Variants in ATP2B2 observed in about 807,000 individuals in gnomAD.
ATP2B2 encodes the protein ATPase plasma membrane Ca2+ transporting 2, also known as plasma membrane calcium-transporting ATPase 2.
In ATP2B2, 15 loss-of-function variants were observed where a neutral mutation model predicts 120.0. That is an observed-to-expected ratio of 0.12 (90% CI 0.08 to 0.19). ATP2B2 has a LOEUF of 0.19. Ranked by LOEUF, ATP2B2 falls within the 10% of genes least tolerant of loss-of-function variation. The pLI is 1.00. For missense variants in ATP2B2, 1,045 were observed against 1,719.8 expected (o/e 0.61, Z 6.94); for synonymous variants, 694 against 700.3 (o/e 0.99, Z 0.14).
chr3:10,627,209 G>A (rs1274437245), intron 1 of ATP2B2, among the ~76,000 whole-genome samples: 4 of 152,232 alleles, frequency 2.6e-5, no homozygotes, highest in Non-Finnish European at 5.9e-5. Flanking sequence ...GCTTCTCTAA[G>A]AGGCGGGTGC....
At chr3:10,471,749 C>T (rs1193302942) in intron 1 of ATP2B2, among the ~76,000 whole-genome samples, 1 of 151,982 alleles carries the variant, frequency 6.6e-6, no homozygotes, top group Admixed American at 6.5e-5. Flanking sequence ...TCATATTGTC[C>T]CCCATAAATG....
chr3:10,587,280 G>C (rs1482215540), intron 2 of ATP2B2, among the ~76,000 whole-genome samples: 1 of 151,672 alleles, frequency 6.6e-6, no homozygotes. Context: ...ACTCCAGCCT[G>C]GGTGACAAAA....
chr3:10,341,062 C>T lies in ATP2B2; in HGVS notation c.2918-358G>A, dbSNP rs150128224. On this transcript the variant is annotated intron_variant, in intron 19 of 22. Coordinates refer to ENST00000360273, the MANE Select transcript of ATP2B2 (RefSeq NM_001001331.4). Reference sequence around the variant, plus strand: ...CTGGACTGCGAGGACAGGATACCTGCGGGAGGTTTTGCGCTGCCCCGAGAG... The same window carrying T: ...CTGGACTGCGAGGACAGGATACCTGTGGGAGGTTTTGCGCTGCCCCGAGAG... 3.2e-3 allele frequency among the ~76,000 whole-genome samples: 480 copies of T among 152,240 alleles called. 9 individuals are homozygous for T. The South Asian group carries it at 0.039, about 12-fold the overall frequency.
intron 1 of ATP2B2, among the ~76,000 whole-genome samples, chr3:10,492,437 C>T (rs1219343743): frequency 1.3e-5 from 2 of 152,140 alleles, no homozygotes; most frequent in East Asian, 1.9e-4. Context: ...TTCCAAAGAA[C>T]GGGACAGCTG....
In ATP2B2 at chr3:10,431,713, T is replaced by C. The variant is rs562251680; in HGVS notation, c.199+17632A>G. Among the ~76,000 whole-genome samples, 13 of 151,724 alleles carry C rather than the reference T, an allele frequency of 8.6e-5. 1 individual carries two copies. In the South Asian group the frequency reaches 1.0e-3, roughly 12 times the overall value. On this transcript the variant is annotated intron_variant, in intron 2 of 22. Transcript: ENST00000360273. Reference sequence around the variant, plus strand: ...GCCTAGAACTGTGTCTAGCACATAGTAGGTGCTCAAGAAACATCTACTGAA... The same window carrying C: ...GCCTAGAACTGTGTCTAGCACATAGCAGGTGCTCAAGAAACATCTACTGAA...
At chr3:10,682,263 G>A (rs2071401704) in intron 1 of ATP2B2, among the ~76,000 whole-genome samples, 1 of 152,096 alleles carries the variant, frequency 6.6e-6, no homozygotes, top group Admixed American at 6.5e-5. Flanking sequence ...AGCAAGTTTG[G>A]GCCACTGACT....
At chr3:10,617,151 T>G (rs2125618019) in intron 2 of ATP2B2, among the ~76,000 whole-genome samples, 1 of 152,384 alleles carries the variant, frequency 6.6e-6, no homozygotes, top group African/African-American at 2.4e-5. Context: ...TACACATCGT[T>G]GTAGATCAAT....
chr3:10,682,462 G>C (rs1336693473), intron 1 of ATP2B2, among the ~76,000 whole-genome samples: 1 of 152,204 alleles, frequency 6.6e-6, no homozygotes, highest in Admixed American at 6.5e-5. Context: ...CAGTTTCTTT[G>C]CTGTAAAAGA....
Position 10,504,560 on chromosome 3 carries a change from G to C in ATP2B2, c.-320+905C>G, listed in dbSNP as rs1447296033. Among the ~76,000 whole-genome samples, 5 of 130,234 alleles carry C rather than the reference G, an allele frequency of 3.8e-5. No homozygotes were observed. The Admixed American group carries it at 4.1e-4, about 11-fold the overall frequency. The allele number at this position is 130,234 out of a possible 152,430, so 85.4% of individuals were successfully genotyped here. A position where few individuals can be genotyped will look rare whatever the true frequency, so the allele number is the denominator to read the frequency against. On this transcript the variant is annotated intron_variant, in intron 1 of 22. Coordinates refer to ENST00000360273, the MANE Select transcript of ATP2B2 (RefSeq NM_001001331.4). Reference sequence around the variant, plus strand: ...CCTGATTGGGGCAGGCCAGTCCAGAGCACCCCCCCAACCCCCAACCCCCAA... The same window carrying C: ...CCTGATTGGGGCAGGCCAGTCCAGACCACCCCCCCAACCCCCAACCCCCAA...
At chr3:10,400,836 G>A in intron 5 of ATP2B2, 117 bp downstream of exon 5, 1 of 1,499,416 alleles carries the variant, frequency 6.7e-7, no homozygotes, top group South Asian at 1.2e-5. Context: ...TGAGCTGGCT[G>A]GAGATACCAG....
At chr3:10,457,238 C>A (rs887107720) in intron 1 of ATP2B2, among the ~76,000 whole-genome samples, 1 of 151,258 alleles carries the variant, frequency 6.6e-6, no homozygotes, top group African/African-American at 2.4e-5. Context: ...GGTGTATGGG[C>A]GTACAAGGCA....
At chr3:10,473,864 T>G (rs76626204) in intron 1 of ATP2B2, among the ~76,000 whole-genome samples, 3 of 152,178 alleles carry the variant, frequency 2.0e-5, no homozygotes, top group Non-Finnish European at 4.4e-5. Flanking sequence ...CAGAGAAGCA[T>G]AAGGGCCAGA....
chr3:10,632,093 A>G (rs2069880102), intron 1 of ATP2B2, among the ~76,000 whole-genome samples: 1 of 152,220 alleles, frequency 6.6e-6, no homozygotes, highest in East Asian at 1.9e-4. Flanking sequence ...CCTGAGGAGC[A>G]GTGGGGCAGG....
intron 2 of ATP2B2, among the ~76,000 whole-genome samples, chr3:10,550,905 C>T (rs1399386534): frequency 6.6e-6 from 1 of 152,176 alleles, no homozygotes; most frequent in Non-Finnish European, 1.5e-5. Context: ...GTAAACCCTC[C>T]AATCAGGCAG....
intron 5 of ATP2B2, among the ~76,000 whole-genome samples, chr3:10,398,303 T>A (rs1425353435): frequency 6.6e-6 from 1 of 152,182 alleles, no homozygotes; most frequent in Non-Finnish European, 1.5e-5. Context: ...CACAAGGACA[T>A]CCTGGAGACC....
chr3:10,331,896 T>A (rs2059990943), intron 22 of ATP2B2: 1 of 1,343,198 alleles, frequency 7.4e-7, no homozygotes, highest in South Asian at 1.3e-5. Flanking sequence ...GGGTTCTACA[T>A]ACTCGAATGT....
chr3:10,337,522 G>A (rs941685468), intron 22 of ATP2B2, among the ~76,000 whole-genome samples: 8 of 152,112 alleles, frequency 5.3e-5, no homozygotes, highest in Non-Finnish European at 1.2e-4. Context: ...CGGGGGAGGC[G>A]CGCAGGTGTG....
intron 2 of ATP2B2, among the ~76,000 whole-genome samples, chr3:10,559,055 C>G (rs1485661194): frequency 2.0e-5 from 3 of 152,164 alleles, no homozygotes; most frequent in Non-Finnish European, 2.9e-5. Context: ...GCTTTTCTTC[C>G]CTAAGAAACA....
chr3:10,457,536 G>A (rs1288959621), intron 1 of ATP2B2, among the ~76,000 whole-genome samples: 2 of 148,028 alleles, frequency 1.4e-5, no homozygotes. Flanking sequence ...AGGTCTACTG[G>A]AGCATGTCAG....
Sources: allele counts gnomAD v4.1 joint callset (sites outside exome capture counted in the v4.1 genomes callset), GRCh38; gene constraint gnomAD v4.1.1; transcripts MANE v1.5; gene names NCBI Gene and HGNC (gene_info 2026-07-23, HGNC 2026-07-21).